MGME1: variants seen among roughly 807,000 people sequenced by gnomAD.
The protein encoded by MGME1 is mitochondrial genome maintenance exonuclease 1, also known as chromosome 20 open reading frame 72.
Under a neutral mutation model 33.0 loss-of-function variants are expected in MGME1, and 22 were observed. That is an observed-to-expected ratio of 0.67 (90% confidence interval 0.48 to 0.95). The LOEUF (loss-of-function observed/expected upper bound fraction) is 0.95. MGME1 is among the 40% of genes least tolerant of loss of function. The pLI is 0.00. For synonymous variants in MGME1, 133 were observed against 144.0 expected (o/e 0.92, Z 0.55); for missense variants, 383 against 397.8 (o/e 0.96, Z 0.32).
At chr20:17,972,790 G>A in intron 2 of MGME1, 6 of 985,196 alleles carry the variant, frequency 6.1e-6, no homozygotes, top group Non-Finnish European at 7.2e-6. Context: ...TATTGGCATG[G>A]CATTTGCTAA....
In MGME1 at chr20:17,971,058, C is replaced by G. The variant is rs142037186; in HGVS notation, c.511+688C>G. On this transcript the variant is annotated intron_variant, in intron 2 of 4. Coordinates refer to ENST00000377710, the MANE Select transcript of MGME1 (RefSeq NM_052865.4). ...AAGGAAAGTTTCACATCAATCATTC[C>G]TTTACCCAAGCTTCCCAAAGTGCAG... is the stretch of plus-strand genomic sequence containing the variant. 2.1e-3 allele frequency among the ~76,000 whole-genome samples: 315 copies of G among 152,274 alleles called. 1 individual carries two copies. The highest frequency in any genetic ancestry group is 7.4e-3 in the African/African-American group (306 of 41,562).
At chr20:17,979,783 T>C (rs2035960672) in intron 3 of MGME1, among the ~76,000 whole-genome samples, 2 of 152,136 alleles carry the variant, frequency 1.3e-5, no homozygotes, top group Admixed American at 6.6e-5. Context: ...CATGCTGGAG[T>C]GCAGTGATGC....
At position 17,990,547 on chromosome 20, in the gene MGME1, G is replaced by A. The variant is rs144655387; in HGVS notation, c.*438G>A. 2.5e-3 allele frequency: 532 copies of A among 209,672 alleles called. 6 individuals carry two copies. Among genetic ancestry groups the A allele is most frequent in the African/African-American group, 0.012 (515 of 43,158 alleles). 13.0% of individuals were successfully genotyped at this position (209,672 alleles called of 1,614,324 possible). ...GGCTACATGCCCCCAGCTGTGTGCA[G>A]GGAGGACACATCAGCCCACTACCGC... On this transcript the variant is annotated 3_prime_UTR_variant, in exon 5 of 5. Coordinates refer to ENST00000377710, the MANE Select transcript of MGME1 (RefSeq NM_052865.4).
intron 3 of MGME1, among the ~76,000 whole-genome samples, chr20:17,976,426 G>A (rs187300127): frequency 3.3e-5 from 5 of 152,100 alleles, no homozygotes; most frequent in Non-Finnish European, 7.4e-5. Flanking sequence ...ACCTGGCCGA[G>A]ATTTTTCAAT....
intron 2 of MGME1, among the ~76,000 whole-genome samples, chr20:17,970,816 C>T (rs2035708948): frequency 2.0e-5 from 3 of 152,172 alleles, no homozygotes; most frequent in Admixed American, 2.0e-4. Flanking sequence ...TTGAAGCAGA[C>T]CAGAACACAT....
rs755587409 is a variant in MGME1, at chr20:17,975,736, A to T, written c.564A>T (p.Ser188=). 9.3e-6 allele frequency: 15 copies of T among 1,614,070 alleles called. No individual in the cohort carries two copies. The South Asian group carries it at 1.6e-4, about 18-fold the overall frequency. The part of the protein sequence containing the change: ...RFHEALESIL[S]PQETLKERDE... The stretch of plus-strand genomic sequence containing the variant: ...ACGAAGCCTTGGAAAGCATACTTTC[A>T]CCCCAGGAAACCTTAAAAGAGAGAG... The change falls in exon 3 of 5, where the codon TCA becomes TCT. Residue 188 remains serine, a synonymous_variant. Coordinates refer to ENST00000377710, the MANE Select transcript of MGME1 (RefSeq NM_052865.4).
rs1168175556 is a variant in MGME1, at chr20:17,969,863, AAGATGAAGTTATTTC to A, written c.8_22del (p.Met3_Gln7del). 6.2e-7 allele frequency: 1 copy of A among 1,603,348 alleles called. No homozygotes were observed. Among genetic ancestry groups the A allele is most frequent in the Non-Finnish European group, 8.5e-7 (1 of 1,176,302 alleles). ...ACTAAAGTGAAAACAAATCTGAATG[AAGATGAAGTTATTTC>A]AGACCATTTGCAGGCAGCTCAGGAG... is the stretch of plus-strand genomic sequence containing the variant. On this transcript the variant is annotated inframe_deletion, in exon 2 of 5. Transcript: ENST00000377710.
intron 2 of MGME1, among the ~76,000 whole-genome samples, chr20:17,973,482 T>C (rs60094271): frequency 0.1 from 15,766 of 151,782 alleles, 873 homozygotes; most frequent in Non-Finnish European, 0.12. Context: ...ATTGCATCTC[T>C]ACAAAAAAAA....
chr20:17,989,363 G>T (rs2036233782), intron 4 of MGME1, among the ~76,000 whole-genome samples: 1 of 149,112 alleles, frequency 6.7e-6, no homozygotes, highest in African/African-American at 2.5e-5. Context: ...TCCAGCCTGG[G>T]CAACAGAGCA....
chr20:17,974,649 C>A (rs2035814955), intron 2 of MGME1, among the ~76,000 whole-genome samples: 1 of 151,980 alleles, frequency 6.6e-6, no homozygotes, highest in Admixed American at 6.6e-5. Flanking sequence ...AAGATGTGTC[C>A]TCCTACAAGC....
At chr20:17,976,664 T>G (rs1307439784) in intron 3 of MGME1, among the ~76,000 whole-genome samples, 1 of 152,060 alleles carries the variant, frequency 6.6e-6, no homozygotes, top group African/African-American at 2.4e-5. Context: ...TTTGTTTTGT[T>G]TCGTTTTGTT....
At chr20:17,968,764 C>G (rs1600369372), upstream of MGME1, 1 of 354,444 alleles carries the variant, frequency 2.8e-6, no homozygotes, top group South Asian at 3.9e-5. Flanking sequence ...AAGCAACGGA[C>G]ACTCTCCCAG....
In MGME1 at chr20:17,969,798, T is replaced by C. The variant is rs1600372212; in HGVS notation, c.-59-3T>C. On this transcript the variant is annotated splice_polypyrimidine_tract_variant and splice_region_variant and intron_variant, in intron 1 of 4. Transcript: ENST00000377710. ...GCTTTGATGGTTGTTTTCTCTCCAA[T>C]AGGAATACAAACATAAAGGCCTTCG... The C allele has an allele frequency of 1.3e-5, 19 of 1,482,830 alleles. No homozygotes were observed. In the East Asian group the frequency reaches 4.1e-4, roughly 32 times the overall value. 91.9% of individuals were successfully genotyped at this position (1,482,830 alleles called of 1,614,324 possible).
intron 2 of MGME1, among the ~76,000 whole-genome samples, chr20:17,974,655 C>T (rs1055046005): frequency 2.0e-5 from 3 of 152,104 alleles, no homozygotes; most frequent in East Asian, 3.9e-4. Context: ...TGTCCTCCTA[C>T]AAGCCATAAA....
chr20:17,968,605 A>G (rs1268544345), upstream of MGME1: 1 of 634,510 alleles, frequency 1.6e-6, no homozygotes, highest in Admixed American at 2.5e-5. Context: ...CCCCGGGAGC[A>G]GGCGAGCAGG....
In MGME1 at chr20:17,990,186, A is replaced by C. The variant is rs779118717; in HGVS notation, c.*77A>C. On this transcript the variant is annotated 3_prime_UTR_variant, in exon 5 of 5. Coordinates refer to ENST00000377710, the MANE Select transcript of MGME1 (RefSeq NM_052865.4). Reference sequence around the variant, plus strand: ...ATATATTGCTGTTTACTCCAGTGTAAAAATGAGGTGCCACTGGATCTGAGT... The same window carrying C: ...ATATATTGCTGTTTACTCCAGTGTACAAATGAGGTGCCACTGGATCTGAGT... 7.9e-7 allele frequency: 1 copy of C among 1,272,724 alleles called. No homozygotes were observed. The highest frequency in any genetic ancestry group is 1.2e-5 in the South Asian group (1 of 82,544). 78.8% of individuals were successfully genotyped at this position (1,272,724 alleles called of 1,614,324 possible).
Position 17,969,835 on chromosome 20 carries a change from T to C in MGME1, c.-25T>C. On this transcript the variant is annotated 5_prime_UTR_variant, in exon 2 of 5. Coordinates refer to ENST00000377710, the MANE Select transcript of MGME1 (RefSeq NM_052865.4). ...CATAAAGGCCTTCGACCGTTGCAAA[T>C]AGACTAAAGTGAAAACAAATCTGAA... is the stretch of plus-strand genomic sequence containing the variant. The C allele has an allele frequency of 1.9e-6, 3 of 1,578,500 alleles. No homozygotes were observed. Among genetic ancestry groups the C allele is most frequent in the Non-Finnish European group, 2.6e-6 (3 of 1,166,224 alleles).
chr20:17,968,725 G>A, upstream of MGME1: 7 of 428,304 alleles, frequency 1.6e-5, no homozygotes, highest in South Asian at 8.2e-5. Flanking sequence ...CGAGGAGGCC[G>A]CCAACCGCAG....
At chr20:17,977,442 C>G (rs2035897284) in intron 3 of MGME1, among the ~76,000 whole-genome samples, 1 of 151,406 alleles carries the variant, frequency 6.6e-6, no homozygotes, top group African/African-American at 2.4e-5. Context: ...AAAGTAAAAG[C>G]AGGTTTATTA....
Sources: gnomAD v4.1 joint callset for allele counts (sites outside exome capture counted in the v4.1 genomes callset) on GRCh38, gnomAD v4.1.1 for gene constraint, MANE v1.5 for transcripts, NCBI Gene and HGNC (gene_info 2026-07-23, HGNC 2026-07-21) for gene names.